The following HBP1 variants were observed in gnomAD, a reference collection of about 807,000 sequenced individuals.
HBP1 encodes HMG-box transcription factor 1, also known as HMG box-containing protein 1.
Under a neutral mutation model 62.6 loss-of-function variants are expected in HBP1, and 20 were observed. The ratio of observed to expected loss-of-function variants is 0.32; its 90% CI spans 0.22 to 0.46. The LOEUF (loss-of-function observed/expected upper bound fraction) is 0.46. Ranked by LOEUF, HBP1 falls within the 20% of genes least tolerant of loss-of-function variation. The pLI, the probability that HBP1 is intolerant of heterozygous loss-of-function variation, is 1.00. For missense variants in HBP1, 480 were observed against 611.8 expected (o/e 0.78, Z 2.27); for synonymous variants, 232 against 206.2 (o/e 1.12, Z -1.07).
intron 1 of HBP1, among the ~76,000 whole-genome samples, chr7:107,178,585 T>A (rs1160737425): frequency 6.6e-6 from 1 of 152,236 alleles, no homozygotes; most frequent in Non-Finnish European, 1.5e-5. Context: ...TGATTATTCA[T>A]CTTTCTATAC....
intron 1 of HBP1, among the ~76,000 whole-genome samples, chr7:107,177,137 G>A (rs1024192041): frequency 5.3e-5 from 8 of 152,218 alleles, no homozygotes; most frequent in African/African-American, 1.4e-4. Context: ...TTCAAAAGAC[G>A]TCATTTTACA....
intron 1 of HBP1, chr7:107,173,514 T>C (rs1329473613): frequency 2.0e-5 from 3 of 152,252 alleles, no homozygotes; most frequent in Admixed American, 2.0e-4. Context: ...GTTTTCCTCA[T>C]CCATAATAAT....
chr7:107,173,320 T>G (rs1042271411), intron 1 of HBP1: 10 of 152,176 alleles, frequency 6.6e-5, no homozygotes, highest in African/African-American at 2.4e-4. Flanking sequence ...CCTTCAGGAT[T>G]AGGGGAGAGC....
At chr7:107,184,697 A>T (rs775977332) in intron 3 of HBP1, among the ~76,000 whole-genome samples, 6 of 152,106 alleles carry the variant, frequency 3.9e-5, no homozygotes, top group Non-Finnish European at 8.8e-5. Flanking sequence ...TTTTAAGTAG[A>T]GATGGGGTTT....
chr7:107,187,740 A>T (rs1797463247), intron 6 of HBP1, among the ~76,000 whole-genome samples: 1 of 152,174 alleles, frequency 6.6e-6, no homozygotes, highest in Non-Finnish European at 1.5e-5. Flanking sequence ...AGGAAGAGAG[A>T]CGTCGTTTGT....
chr7:107,195,702 TAACATGATATAGGGGGA>T (rs1235528906), intron 8 of HBP1, 115 bp from the exon 9 acceptor site: 1 of 452,796 alleles, frequency 2.2e-6, no homozygotes, highest in Non-Finnish European at 3.8e-6. Context: ...TTAGTGTTGG[TAACATGATATAGGGGGA>T]AATGCACTGA....
rs1180463300 is a variant in HBP1 at position 107,182,490 on chromosome 7, C to T, written c.287C>T (p.Ser96Leu). 3.7e-6 allele frequency: 6 copies of T among 1,612,156 alleles called. No individual in the cohort carries two copies. The highest frequency in any genetic ancestry group is 4.2e-6 in the Non-Finnish European group (5 of 1,178,232). The change falls in exon 3 of 11, where the codon TCA (serine) becomes TTA (leucine). Residue 96 changes from serine (S) to leucine (L), a missense_variant. By Grantham distance (145) the Ser-to-Leu change is moderately radical. Transcript: ENST00000222574. ...AGATCATCTTGGAACCAAAATACCT[C>T]AGACATACCAGAAACTACTTACCGT... Reference protein sequence around the residue: ...YPRSSWNQNTSDIPETTYREN... With the variant: ...YPRSSWNQNTLDIPETTYREN...
intron 1 of HBP1, among the ~76,000 whole-genome samples, chr7:107,173,966 T>C (rs2115787119): frequency 6.6e-6 from 1 of 152,326 alleles, no homozygotes; most frequent in East Asian, 1.9e-4. Context: ...AGTATGTAAT[T>C]GGTATAATAT....
Position 107,182,557 on chromosome 7 carries a change from G to A in HBP1, c.354G>A (p.Ala118=), listed in dbSNP as rs753760499. The change falls in exon 3 of 11, where the codon GCG becomes GCA. Residue 118 remains alanine (A), a synonymous_variant. Coordinates refer to ENST00000222574, the MANE Select transcript of HBP1 (RefSeq NM_012257.4). ...VDWLTELANI[A]TSPQSPLMQC... The stretch of plus-strand genomic sequence containing the variant: ...GGCTAACAGAATTGGCAAATATCGC[G>A]ACCAGTCCACAAAGTCCACTGATGC... The A allele has an allele frequency of 9.3e-6, 15 of 1,612,200 alleles. No homozygotes were observed. Among genetic ancestry groups the A allele is most frequent in the South Asian group, 3.3e-5 (3 of 90,972 alleles).
intron 6 of HBP1, 40 bp downstream of exon 6, chr7:107,186,721 C>A: frequency 1.9e-6 from 2 of 1,078,024 alleles, no homozygotes; most frequent in Non-Finnish European, 2.8e-6. Flanking sequence ...AAAATCTTTC[C>A]AAATGAAACA....
intron 6 of HBP1, among the ~76,000 whole-genome samples, chr7:107,187,869 GC>G: frequency 6.6e-6 from 1 of 152,286 alleles, no homozygotes; most frequent in South Asian, 2.1e-4. Flanking sequence ...GTACTTGACT[GC>G]CCGCAGTGCT....
intron 7 of HBP1, 142 bp downstream of exon 7, chr7:107,189,590 G>A (rs758751331): frequency 4.9e-6 from 3 of 614,618 alleles, no homozygotes; most frequent in Non-Finnish European, 8.5e-6. Flanking sequence ...CATAGGGAAT[G>A]CTTATAATAA....
chr7:107,186,738 A>T, intron 6 of HBP1, 57 bp downstream of exon 6: 3 of 937,918 alleles, frequency 3.2e-6, no homozygotes, highest in Non-Finnish European at 1.7e-6. Flanking sequence ...AACAAGATTT[A>T]TTGTTAATCT....
At position 107,171,071 on chromosome 7, in the gene HBP1, A is replaced by AT. The variant is rs1160740045; in HGVS notation, c.-16+1887dup. 1.1e-3 allele frequency among the ~76,000 whole-genome samples: 95 copies of AT among 84,300 alleles called. 11 individuals carry two copies. The highest frequency in any genetic ancestry group is 2.0e-3 in the Admixed American group (14 of 7,150). The allele number at this position is 84,300 out of a possible 152,430, so 55.3% of individuals were successfully genotyped here. On this transcript the variant is annotated intron_variant, in intron 1 of 10. Transcript: ENST00000222574. The stretch of plus-strand genomic sequence containing the variant: ...AATATATATATATATATATATATAT[A>AT]TATTTTTTTTTTTTTTTGAGAGGGA...
intron 7 of HBP1, 129 bp downstream of exon 7, chr7:107,189,577 T>A: frequency 4.6e-6 from 3 of 650,986 alleles, no homozygotes; most frequent in South Asian, 4.1e-5. Context: ...AATAAAAAAC[T>A]ACCATAGGGA....
chr7:107,174,689 A>C, intron 1 of HBP1: 1 of 984,724 alleles, frequency 1.0e-6, no homozygotes, highest in Non-Finnish European at 1.2e-6. Flanking sequence ...TCATACACAG[A>C]GGATAGCTCT....
rs369009958 is a variant in HBP1, at chr7:107,187,142, A to G, written c.765+461A>G. On this transcript the variant is annotated intron_variant, in intron 6 of 10. Transcript: ENST00000222574. ...GTGGTGGGCGCCTGTAGTCCCAACT[A>G]CTTGGGAGGCTGAGGCAGGAGAATG... Among the ~76,000 whole-genome samples, 5 of 152,082 alleles carry G rather than the reference A, an allele frequency of 3.3e-5. No individual in the cohort carries two copies. The East Asian group carries it at 5.8e-4, about 18-fold the overall frequency.
chr7:107,183,996 A>G (rs564760929), intron 3 of HBP1, among the ~76,000 whole-genome samples: 4 of 152,362 alleles, frequency 2.6e-5, no homozygotes, highest in African/African-American at 7.2e-5. Context: ...GAAGAAATCA[A>G]TGCTGTTAGT....
chr7:107,191,848 C>G (rs866235794), intron 8 of HBP1, among the ~76,000 whole-genome samples: 3 of 152,300 alleles, frequency 2.0e-5, no homozygotes, highest in Middle Eastern at 3.4e-3. Flanking sequence ...TCCCTAAAGA[C>G]TAGCCCCCAG....
Sources: gnomAD v4.1 joint callset for allele counts (sites outside exome capture counted in the v4.1 genomes callset) on GRCh38, gnomAD v4.1.1 for gene constraint, MANE v1.5 for transcripts, NCBI Gene and HGNC (gene_info 2026-07-23, HGNC 2026-07-21) for gene names.